The following HECW2 variants were observed in gnomAD, a reference collection of about 807,000 sequenced individuals.
HECW2 encodes the protein HECT, C2 and WW domain containing E3 ubiquitin protein ligase 2.
HECW2 carries 61 observed loss-of-function variants against 175.2 expected under a neutral mutation model. That is an observed-to-expected ratio of 0.35 (90% CI 0.28 to 0.43). HECW2 has a LOEUF of 0.43. HECW2 is among the 20% of genes least tolerant of loss of function. The probability of loss-of-function intolerance (pLI) is 1.00; values close to 1 mark genes in which losing one functional copy is unlikely to be tolerated. For missense variants in HECW2, 1,524 were observed against 2,000.5 expected (o/e 0.76, Z 4.54); for synonymous variants, 671 against 731.0 (o/e 0.92, Z 1.32).
At chr2:196,390,450 C>T (rs1009360923) in intron 2 of HECW2, among the ~76,000 whole-genome samples, 7 of 152,180 alleles carry the variant, frequency 4.6e-5, no homozygotes, top group Admixed American at 3.9e-4. Context: ...TTGCAGCAGA[C>T]ACTTGGTCAC....
chr2:196,573,191 G>A (rs1690445124), intron 1 of HECW2, among the ~76,000 whole-genome samples: 1 of 147,426 alleles, frequency 6.8e-6, no homozygotes, highest in South Asian at 2.1e-4. Flanking sequence ...CTTTCAGAAT[G>A]ACCGAATAAA....
At chr2:196,303,403 A>C (rs889185625) in intron 13 of HECW2, among the ~76,000 whole-genome samples, 65 of 152,214 alleles carry the variant, frequency 4.3e-4, no homozygotes, top group African/African-American at 1.4e-3. Context: ...TTTTGGTATC[A>C]AGATGATGCT....
intron 2 of HECW2, among the ~76,000 whole-genome samples, chr2:196,359,127 C>A (rs886345330): frequency 6.6e-6 from 1 of 152,126 alleles, no homozygotes; most frequent in Non-Finnish European, 1.5e-5. Context: ...TGATTACACA[C>A]CCTCCTTTCT....
chr2:196,340,416 G>A (rs922277705), intron 3 of HECW2, among the ~76,000 whole-genome samples: 3 of 151,800 alleles, frequency 2.0e-5, no homozygotes, highest in African/African-American at 7.3e-5. Flanking sequence ...GGCCAACATG[G>A]TGAAAACCTG....
intron 1 of HECW2, among the ~76,000 whole-genome samples, chr2:196,534,891 C>A (rs942609458): frequency 3.9e-5 from 6 of 152,184 alleles, no homozygotes; most frequent in African/African-American, 1.4e-4. Context: ...AATCCTATTT[C>A]AATTGCCACT....
chr2:196,590,727 C>G (rs1691160594), intron 1 of HECW2, among the ~76,000 whole-genome samples: 1 of 152,220 alleles, frequency 6.6e-6, no homozygotes, highest in Non-Finnish European at 1.5e-5. Context: ...ACACATTCAT[C>G]TAGGAGAAAA....
At chr2:196,386,994 A>T (rs940888685) in intron 2 of HECW2, among the ~76,000 whole-genome samples, 4 of 152,146 alleles carry the variant, frequency 2.6e-5, no homozygotes, top group Non-Finnish European at 5.9e-5. Flanking sequence ...TTTTGAGTCC[A>T]TCATGAGAAT....
intron 1 of HECW2, among the ~76,000 whole-genome samples, chr2:196,491,497 TA>T (rs1345713728): frequency 8.2e-6 from 1 of 121,970 alleles, no homozygotes; most frequent in African/African-American, 4.6e-5. Flanking sequence ...CACATATATA[TA>T]TATACACACA....
chr2:196,256,010 T>A (rs563094779), intron 18 of HECW2, among the ~76,000 whole-genome samples: 9 of 151,764 alleles, frequency 5.9e-5, no homozygotes, highest in South Asian at 2.1e-4. Context: ...AGGGTGGAGG[T>A]TGCAATGAGA....
chr2:196,210,573 AT>A (rs1322509087), intron 28 of HECW2, among the ~76,000 whole-genome samples: 1 of 151,606 alleles, frequency 6.6e-6, no homozygotes, highest in South Asian at 2.1e-4. Context: ...TTTCTTAGCA[AT>A]TTTTTGTAAA....
At chr2:196,374,077 A>G (rs1693984189) in intron 2 of HECW2, among the ~76,000 whole-genome samples, 1 of 152,090 alleles carries the variant, frequency 6.6e-6, no homozygotes, top group Non-Finnish European at 1.5e-5. Context: ...ATGTGCCACC[A>G]AAGATTATAT....
intron 28 of HECW2, among the ~76,000 whole-genome samples, chr2:196,208,153 G>C (rs1230789893): frequency 6.6e-6 from 1 of 152,204 alleles, no homozygotes; most frequent in Non-Finnish European, 1.5e-5. Context: ...CTAGATATTA[G>C]GAAGAATAGT....
intron 28 of HECW2, among the ~76,000 whole-genome samples, chr2:196,201,632 C>A (rs183765649): frequency 9.9e-5 from 15 of 152,182 alleles, no homozygotes; most frequent in Non-Finnish European, 2.9e-5. Flanking sequence ...ATTTCACCAC[C>A]ATTTAAAAGC....
chr2:196,420,881 G>A (rs1695390441), intron 2 of HECW2, among the ~76,000 whole-genome samples: 1 of 152,094 alleles, frequency 6.6e-6, no homozygotes, highest in South Asian at 2.1e-4. Flanking sequence ...GTGGAAGAAG[G>A]GGTTTAAAAT....
At chr2:196,450,096 G>C (rs1696300157) in intron 1 of HECW2, among the ~76,000 whole-genome samples, 1 of 152,200 alleles carries the variant, frequency 6.6e-6, no homozygotes, top group Non-Finnish European at 1.5e-5. Flanking sequence ...ACTTAACCCA[G>C]TATGCCTAAG....
intron 1 of HECW2, among the ~76,000 whole-genome samples, chr2:196,551,938 G>C (rs1011530232): frequency 1.3e-5 from 2 of 152,046 alleles, no homozygotes; most frequent in Non-Finnish European, 2.9e-5. Context: ...TATTTTCCTA[G>C]CATTTCTTAC....
intron 1 of HECW2, among the ~76,000 whole-genome samples, chr2:196,559,959 TTA>T (rs1384556756): frequency 6.6e-6 from 1 of 152,156 alleles, no homozygotes; most frequent in Non-Finnish European, 1.5e-5. Flanking sequence ...AGATGAGTCT[TTA>T]TCTCTCTACC....
chr2:196,537,730 C>T (rs932591414), intron 1 of HECW2, among the ~76,000 whole-genome samples: 4 of 152,208 alleles, frequency 2.6e-5, no homozygotes, highest in African/African-American at 9.7e-5. Flanking sequence ...GTTTACTAAA[C>T]AGACCCAGAC....
intron 1 of HECW2, among the ~76,000 whole-genome samples, chr2:196,489,326 T>C (rs1687111917): frequency 6.6e-6 from 1 of 152,186 alleles, no homozygotes; most frequent in Admixed American, 6.5e-5. Flanking sequence ...ATAACAAAGC[T>C]ATCATTTTCT....
Sources: gnomAD v4.1 joint callset for allele counts (sites outside exome capture counted in the v4.1 genomes callset) on GRCh38, gnomAD v4.1.1 for gene constraint, MANE v1.5 for transcripts, NCBI Gene and HGNC (gene_info 2026-07-23, HGNC 2026-07-21) for gene names.